Variants in TPD52L2 observed in about 807,000 individuals in gnomAD.
The protein encoded by TPD52L2 is TPD52 like 2, also known as tumor protein D54.
In TPD52L2, 19 loss-of-function variants were observed where a neutral mutation model predicts 24.7. That is an observed-to-expected ratio of 0.77 (90% CI 0.54 to 1.13). TPD52L2 has a LOEUF of 1.13. Among genes scored for constraint, TPD52L2 ranks in the 50% most tolerant of loss-of-function variants. The probability of loss-of-function intolerance (pLI) is 0.00; values close to 1 mark genes in which losing one functional copy is unlikely to be tolerated. For missense variants in TPD52L2, 236 were observed against 250.4 expected (o/e 0.94, Z 0.39); for synonymous variants, 104 against 100.2 (o/e 1.04, Z -0.23).
rs1318724848 is a variant in TPD52L2, at chr20:63,877,183, G to A, written c.374+1308G>A. The A allele has an allele frequency of 1.4e-5, 5 of 347,040 alleles. No individual in the cohort carries two copies. The highest frequency in any genetic ancestry group is 1.6e-4 in the East Asian group (2 of 12,674). The allele number at this position is 347,040 out of a possible 1,614,324, so 21.5% of individuals were successfully genotyped here. ...TGGGACTACAGGCGCCCGCCACCAC[G>A]CCCGGCTAATTTTTTCTATTTTTAG... On this transcript the variant is annotated intron_variant, in intron 4 of 6. Coordinates refer to ENST00000346249, the MANE Select transcript of TPD52L2 (RefSeq NM_003288.4). The surrounding 1 kb of genome is among the most constrained non-coding windows in gnomAD (Gnocchi z 4.1).
intron 5 of TPD52L2, chr20:63,886,771 A>T (rs2053138362): frequency 6.6e-6 from 1 of 151,710 alleles, no homozygotes; most frequent in Non-Finnish European, 1.5e-5. Context: ...CAGGCTCCTG[A>T]GTAGCTGGGA....
chr20:63,883,702 G>A (rs899211064), intron 5 of TPD52L2, among the ~76,000 whole-genome samples: 1 of 152,092 alleles, frequency 6.6e-6, no homozygotes, highest in African/African-American at 2.4e-5. Flanking sequence ...GCAAAGATGG[G>A]TGCAGGCTTC....
rs2052716336 is a variant in TPD52L2, at chr20:63,877,097, C to A, written c.374+1222C>A. The stretch of plus-strand genomic sequence containing the variant: ...CTGGAGTGCAGTGGCGCCATCTGGG[C>A]TCACTGCAAGCTCCGCCTCCCGGGT... On this transcript the variant is annotated intron_variant, in intron 4 of 6. Transcript: ENST00000346249. The surrounding 1 kb of genome is among the most constrained non-coding windows in gnomAD (Gnocchi z 4.1). The A allele has an allele frequency of 2.5e-6, 1 of 407,344 alleles. No homozygotes were observed. The highest frequency in any genetic ancestry group is 4.8e-6 in the Non-Finnish European group (1 of 206,266). The allele number at this position is 407,344 out of a possible 1,614,324, so 25.2% of individuals were successfully genotyped here.
intron 4 of TPD52L2, 151 bp from the exon 5 acceptor site, chr20:63,882,568 A>C (rs1427964540): frequency 3.0e-6 from 2 of 667,824 alleles, no homozygotes; most frequent in East Asian, 2.7e-5. Context: ...CTGGGCCTGC[A>C]CCCCCTCTGT....
intron 2 of TPD52L2, among the ~76,000 whole-genome samples, chr20:63,873,216 G>A (rs897624595): frequency 1.3e-5 from 2 of 151,922 alleles, no homozygotes; most frequent in Non-Finnish European, 1.5e-5. Flanking sequence ...CTGGCTGGGC[G>A]CGGTGGCTCA....
At chr20:63,874,054 T>C (rs1293713611) in intron 3 of TPD52L2, among the ~76,000 whole-genome samples, 2 of 152,062 alleles carry the variant, frequency 1.3e-5, no homozygotes, top group African/African-American at 4.8e-5. Flanking sequence ...TTGTGTACTT[T>C]ATTATTATTT....
intron 1 of TPD52L2, among the ~76,000 whole-genome samples, chr20:63,867,769 T>G (rs921464916): frequency 4.6e-5 from 7 of 151,060 alleles, no homozygotes; most frequent in Non-Finnish European, 1.0e-4. Context: ...GCATAGTTTT[T>G]TTTTCTTTTT....
chr20:63,889,142 C>T, intron 5 of TPD52L2, 48 bp from the exon 6 acceptor site: 1 of 1,556,532 alleles, frequency 6.4e-7, no homozygotes, highest in Non-Finnish European at 8.9e-7. Context: ...AGGAGAGCAG[C>T]ACAACCCTCT....
chr20:63,876,900 G>A, intron 4 of TPD52L2: 1 of 455,540 alleles, frequency 2.2e-6, no homozygotes, highest in Non-Finnish European at 4.4e-6. Context: ...GGCGGTTCAC[G>A]GCATGTTGCC....
At chr20:63,884,796 C>G (rs555433158) in intron 5 of TPD52L2, among the ~76,000 whole-genome samples, 1 of 152,106 alleles carries the variant, frequency 6.6e-6, no homozygotes, top group South Asian at 2.1e-4. Flanking sequence ...ATGGGGCCAG[C>G]TGGGGGAGCG....
intron 5 of TPD52L2, among the ~76,000 whole-genome samples, chr20:63,883,824 G>GCCTGCCTGCCTGCCTC (rs1568956765): frequency 5.4e-5 from 6 of 111,350 alleles, no homozygotes; most frequent in South Asian, 4.9e-4. Context: ...TGGGCTGCCT[G>GCCTGCCTGCCTGCCTC]CCTGCCTGCC....
At chr20:63,875,598 A>G (rs1343215073) in intron 3 of TPD52L2, among the ~76,000 whole-genome samples, 1 of 152,180 alleles carries the variant, frequency 6.6e-6, no homozygotes, top group Non-Finnish European at 1.5e-5. Flanking sequence ...AGGTGACAGA[A>G]AAGGGAACAT....
intron 5 of TPD52L2, 112 bp from the exon 6 acceptor site, chr20:63,889,078 A>G: frequency 2.3e-6 from 2 of 869,000 alleles, no homozygotes; most frequent in Non-Finnish European, 3.9e-6. Flanking sequence ...AGATCTTGGG[A>G]TGTTGTTAGG....
At chr20:63,882,486 C>T (rs534768254) in intron 4 of TPD52L2, among the ~76,000 whole-genome samples, 11 of 152,326 alleles carry the variant, frequency 7.2e-5, no homozygotes, top group South Asian at 6.2e-4. Flanking sequence ...TCGGCAGGGT[C>T]GCCGAGAGCT....
At chr20:63,878,493 A>G (rs780077063) in intron 4 of TPD52L2, among the ~76,000 whole-genome samples, 26 of 152,176 alleles carry the variant, frequency 1.7e-4, no homozygotes, top group Non-Finnish European at 3.2e-4. Context: ...GGTAGCATCA[A>G]CCAAACAGGG....
At chr20:63,874,196 C>T (rs556705215) in intron 3 of TPD52L2, among the ~76,000 whole-genome samples, 91 of 150,638 alleles carry the variant, frequency 6.0e-4, no homozygotes, top group African/African-American at 1.2e-3. Context: ...GGATTACAGG[C>T]GCCTCCCACC....
chr20:63,873,909 A>G (rs1370883455), intron 3 of TPD52L2, 93 bp downstream of exon 3: 1 of 1,369,354 alleles, frequency 7.3e-7, no homozygotes, highest in South Asian at 1.7e-5. Flanking sequence ...ATGCCCAGGG[A>G]CGAGTTGCAG....
intron 5 of TPD52L2, among the ~76,000 whole-genome samples, chr20:63,886,537 A>G (rs2053121207): frequency 6.6e-6 from 1 of 150,474 alleles, no homozygotes; most frequent in South Asian, 2.1e-4. Context: ...AATTTTTTGT[A>G]TTTTTAGTAG....
At chr20:63,871,326 A>G (rs564716615) in intron 2 of TPD52L2, among the ~76,000 whole-genome samples, 14 of 150,202 alleles carry the variant, frequency 9.3e-5, no homozygotes, top group Admixed American at 8.0e-4. Context: ...TACAAATGCG[A>G]GCCGCTGTAC....
Sources: allele counts gnomAD v4.1 joint callset (sites outside exome capture counted in the v4.1 genomes callset), GRCh38; gene constraint gnomAD v4.1.1; non-coding constraint Gnocchi (gnomAD v3.1); transcripts MANE v1.5; gene names NCBI Gene and HGNC (gene_info 2026-07-23, HGNC 2026-07-21).